The following ITIH3 variants were observed in gnomAD, a reference collection of about 807,000 sequenced individuals.
The protein encoded by ITIH3 is inter-alpha-trypsin inhibitor heavy chain 3.
ITIH3 carries 81 observed loss-of-function variants against 96.5 expected under a neutral mutation model. The ratio of observed to expected loss-of-function variants is 0.84; its 90% CI spans 0.70 to 1.01. The LOEUF is 1.01. Ranked by LOEUF, ITIH3 falls within the 50% of genes least tolerant of loss-of-function variation. The pLI is 0.00. For synonymous variants in ITIH3, 422 were observed against 445.2 expected, an observed-to-expected ratio of 0.95 and a Z score of 0.66; for missense variants, 1,057 against 1,139.3, an observed-to-expected ratio of 0.93 and a Z score of 1.04.
At position 52,801,239 on chromosome 3, in the gene ITIH3, A is replaced by T. The variant is rs1006636765; in HGVS notation, c.1383+93A>T. 5 of 1,191,430 alleles carry T rather than the reference A, an allele frequency of 4.2e-6. No individual in the cohort carries two copies. The African/African-American group carries it at 7.9e-5, about 19-fold the overall frequency. The allele number at this position is 1,191,430 out of a possible 1,614,324, so 73.8% of individuals were successfully genotyped here. Reference sequence around the variant, plus strand: ...GGTGACAGTTCTAGTTATTAGGAAGAGCTTCGTCTTGGGTCAAAATCCACC... The same window carrying T: ...GGTGACAGTTCTAGTTATTAGGAAGTGCTTCGTCTTGGGTCAAAATCCACC... On this transcript the variant is annotated intron_variant, in intron 11 of 21. Coordinates refer to ENST00000449956, the MANE Select transcript of ITIH3 (RefSeq NM_002217.4).
chr3:52,802,766 C>T lies in ITIH3; in HGVS notation c.1669C>T (p.Leu557Phe), dbSNP rs770987236. The change falls in exon 13 of 22, where the codon CTC becomes TTC. Residue 557 changes from leucine (L) to phenylalanine (F), a missense_variant. Leu to Phe is a conservative substitution (Grantham distance 22, BLOSUM62 0). Coordinates refer to ENST00000449956, the MANE Select transcript of ITIH3 (RefSeq NM_002217.4). ...CATCTTCGGGAATTACATTGAGCGG[C>T]TCTGGGCCTACCTCACCATTGAGCA... ...DYIFGNYIER[L>F]WAYLTIEQLL... 6.2e-7 allele frequency: 1 copy of T among 1,614,008 alleles called. No homozygotes were observed. The highest frequency in any genetic ancestry group is 8.5e-7 in the Non-Finnish European group (1 of 1,179,882).
intron 19 of ITIH3, among the ~76,000 whole-genome samples, chr3:52,807,394 C>T (rs1647853589): frequency 6.6e-6 from 1 of 152,188 alleles, no homozygotes; most frequent in Non-Finnish European, 1.5e-5. Flanking sequence ...CTCTTGTCTT[C>T]TTAGCTCTCC....
rs1699863049 is a variant in ITIH3, at chr3:52,802,341, A to G, written c.1391A>G (p.Tyr464Cys). Reference protein sequence around the residue: ...SDADLQLQGFYEEVANPLLTG... With the variant: ...SDADLQLQGFCEEVANPLLTG... ...GCCCCGTGCGAACTTCAGGGCTTCTATGAGGAGGTGGCCAACCCACTGCTG... is the reference window on the plus strand; with the variant it reads ...GCCCCGTGCGAACTTCAGGGCTTCTGTGAGGAGGTGGCCAACCCACTGCTG... The change falls in exon 12 of 22, where the codon TAT (tyrosine) becomes TGT (cysteine). Residue 464 changes from tyrosine (Y) to cysteine (C), a missense_variant. Tyr to Cys is a radical substitution (Grantham distance 194). Transcript: ENST00000449956. 3 of 1,613,648 alleles carry G rather than the reference A, an allele frequency of 1.9e-6. No homozygotes were observed. The highest frequency in any genetic ancestry group is 1.3e-5 in the African/African-American group (1 of 74,918).
chr3:52,799,285 G>T lies in ITIH3; in HGVS notation c.790-87G>T, dbSNP rs561624249. ...GATAGGAACGTCTTTTTCTTGGGCT[G>T]GTAAATGTCTGGCTTCTACCTGCAA... On this transcript the variant is annotated intron_variant, in intron 7 of 21. Transcript: ENST00000449956. The T allele has an allele frequency of 3.3e-6, 4 of 1,220,404 alleles. No homozygotes were observed. The East Asian group carries it at 7.5e-5, about 23-fold the overall frequency. The allele number at this position is 1,220,404 out of a possible 1,614,324, so 75.6% of individuals were successfully genotyped here.
chr3:52,804,460 C>T, intron 14 of ITIH3: 1 of 492,676 alleles, frequency 2.0e-6, no homozygotes, highest in Non-Finnish European at 3.7e-6. Context: ...TCCCAAATGC[C>T]CACTGCAACT....
chr3:52,802,629 A>G (rs1699879515), intron 12 of ITIH3, 38 bp from the exon 13 acceptor site: 2 of 1,613,468 alleles, frequency 1.2e-6, no homozygotes, highest in East Asian at 2.2e-5. Flanking sequence ...GATCCACCCA[A>G]GCCTCCAGCC....
rs753880264 is a variant in ITIH3, at chr3:52,797,079, G to C, written c.387-26G>C. On this transcript the variant is annotated intron_variant, in intron 4 of 21. Coordinates refer to ENST00000449956, the MANE Select transcript of ITIH3 (RefSeq NM_002217.4). ...GGGTGGGCTCCTGCAGTCTTTGAGG[G>C]AGTCACCATCTCGCACCCTGGTCAG... The C allele has an allele frequency of 3.1e-6, 5 of 1,601,280 alleles. No individual in the cohort carries two copies. In the African/African-American group the frequency reaches 6.7e-5, roughly 21 times the overall value.
In ITIH3 at chr3:52,799,934, C is replaced by G; in HGVS notation, c.1075+13C>G. 1 of 1,611,104 alleles carries G rather than the reference C, an allele frequency of 6.2e-7. No homozygotes were observed. ...GAGGATAAAGGAAGTAAGAGCGGAG[C>G]TGGAGCCCACACACCTCCTAGCGGT... On this transcript the variant is annotated intron_variant, in intron 9 of 21. Transcript: ENST00000449956.
chr3:52,801,424 A>C (rs1315152148), intron 11 of ITIH3, among the ~76,000 whole-genome samples: 1 of 152,248 alleles, frequency 6.6e-6, no homozygotes, highest in African/African-American at 2.4e-5. Context: ...TATGCCCCAA[A>C]TATTGCACAG....
At chr3:52,796,372 C>A in intron 2 of ITIH3, 109 bp from the exon 3 acceptor site, 1 of 910,172 alleles carries the variant, frequency 1.1e-6, no homozygotes, top group Non-Finnish European at 1.7e-6. Flanking sequence ...GGGTTGCGTG[C>A]CGGGCAGGGG....
chr3:52,804,634 T>A, intron 14 of ITIH3, 92 bp from the exon 15 acceptor site: 1 of 1,410,108 alleles, frequency 7.1e-7, no homozygotes, highest in Non-Finnish European at 9.8e-7. Flanking sequence ...AGCCTAGGGC[T>A]GGTCGGCCAA....
chr3:52,807,348 G>A (rs1700095174), intron 19 of ITIH3, among the ~76,000 whole-genome samples: 1 of 152,188 alleles, frequency 6.6e-6, no homozygotes, highest in Non-Finnish European at 1.5e-5. Context: ...GAAGGCATTA[G>A]GTGATAATGG....
intron 18 of ITIH3, 141 bp from the exon 19 acceptor site, chr3:52,806,760 G>A: frequency 1.4e-6 from 1 of 695,394 alleles, no homozygotes; most frequent in Non-Finnish European, 2.5e-6. Context: ...ACAGGCTTGG[G>A]CTCTGAAGTC....
Position 52,797,810 on chromosome 3 carries a change from A to T in ITIH3, c.550-7A>T, listed in dbSNP as rs770919801. 6.3e-7 allele frequency: 1 copy of T among 1,582,702 alleles called. No individual in the cohort carries two copies. Among genetic ancestry groups the T allele is most frequent in the East Asian group, 2.3e-5 (1 of 44,036 alleles). ...TGAGTGACATTTCCTTACTTTGGCCATTTCAGATCGAGGTAGACATCTTCG... is the reference window on the plus strand; with the variant it reads ...TGAGTGACATTTCCTTACTTTGGCCTTTTCAGATCGAGGTAGACATCTTCG... On this transcript the variant is annotated splice_polypyrimidine_tract_variant and splice_region_variant and intron_variant, in intron 5 of 21. Coordinates refer to ENST00000449956, the MANE Select transcript of ITIH3 (RefSeq NM_002217.4).
chr3:52,802,231 G>A (rs1699856147), intron 11 of ITIH3, 103 bp from the exon 12 acceptor site: 2 of 1,195,398 alleles, frequency 1.7e-6, no homozygotes, highest in Non-Finnish European at 2.3e-6. Flanking sequence ...TGAACATTAG[G>A]AGCCATTAGG....
Position 52,798,993 on chromosome 3 carries a change from G to A in ITIH3, c.691G>A (p.Asp231Asn). ...CCATGTGTCCTTCAAGCCCAGCTTA[G>A]ACCAACAGCGTTCATGCCCAACCTG... is the stretch of plus-strand genomic sequence containing the variant. Reference protein sequence around the residue: ...KGHVSFKPSLDQQRSCPTCTD... With the variant: ...KGHVSFKPSLNQQRSCPTCTD... The change falls in exon 7 of 22, where the codon GAC (aspartate) becomes AAC (asparagine). Residue 231 changes from aspartate (D) to asparagine (N), a missense_variant. By Grantham distance (23) the Asp-to-Asn change is conservative. Coordinates refer to ENST00000449956, the MANE Select transcript of ITIH3 (RefSeq NM_002217.4). The A allele has an allele frequency of 1.9e-6, 3 of 1,613,566 alleles. No individual in the cohort carries two copies. Among genetic ancestry groups the A allele is most frequent in the Non-Finnish European group, 2.5e-6 (3 of 1,179,712 alleles).
At position 52,802,375 on chromosome 3, in the gene ITIH3, G is replaced by A. The variant is rs1443247571; in HGVS notation, c.1425G>A (p.Val475=). Residue 475 remains valine, a synonymous_variant, in exon 12 of 22, where the codon GTG becomes GTA. Coordinates refer to ENST00000449956, the MANE Select transcript of ITIH3 (RefSeq NM_002217.4). ...TGGCCAACCCACTGCTGACGGGTGTGGAGATGGAGTACCCCGAGAACGCTA... is the reference window on the plus strand; with the variant it reads ...TGGCCAACCCACTGCTGACGGGTGTAGAGATGGAGTACCCCGAGAACGCTA... The part of the protein sequence containing the change: ...EEVANPLLTG[V]EMEYPENAIL... 1.2e-6 allele frequency: 2 copies of A among 1,613,854 alleles called. No individual in the cohort carries two copies. Among genetic ancestry groups the A allele is most frequent in the Admixed American group, 3.3e-5 (2 of 60,004 alleles).
At chr3:52,803,609 A>G (rs143302649) in intron 13 of ITIH3, among the ~76,000 whole-genome samples, 3,845 of 152,238 alleles carry the variant, frequency 0.025, 182 homozygotes, top group African/African-American at 0.087. Flanking sequence ...GTGAGCCACC[A>G]TGCCCGGCCG....
At chr3:52,804,814 T>C (rs1033969441) in intron 15 of ITIH3, 80 bp downstream of exon 15, 1 of 1,494,152 alleles carries the variant, frequency 6.7e-7, no homozygotes, top group Non-Finnish European at 9.1e-7. Flanking sequence ...CCAAGCAAGA[T>C]AGGACCCCCA....
Sources: gnomAD v4.1 joint callset for allele counts (sites outside exome capture counted in the v4.1 genomes callset) on GRCh38, gnomAD v4.1.1 for gene constraint, MANE v1.5 for transcripts, NCBI Gene and HGNC (gene_info 2026-07-23, HGNC 2026-07-21) for gene names.